The following NR3C2 variants were observed in gnomAD, a reference collection of about 807,000 sequenced individuals.
NR3C2 encodes the protein nuclear receptor subfamily 3 group C member 2.
A neutral mutation model predicts 86.4 loss-of-function variants in NR3C2; 15 were observed. That is an observed-to-expected ratio of 0.17 (90% CI 0.12 to 0.27). The LOEUF (loss-of-function observed/expected upper bound fraction) is 0.27, where lower values mean the gene tolerates loss of function less well. Ranked by LOEUF, NR3C2 falls within the 10% of genes least tolerant of loss-of-function variation. The pLI, the probability that NR3C2 is intolerant of heterozygous loss-of-function variation, is 1.00. For synonymous variants in NR3C2, 458 were observed against 450.5 expected, an observed-to-expected ratio of 1.02 and a Z score of -0.21; for missense variants, 960 against 1,195.6, an observed-to-expected ratio of 0.80 and a Z score of 2.91.
intron 2 of NR3C2, among the ~76,000 whole-genome samples, chr4:148,397,597 A>G (rs141720410): frequency 6.6e-6 from 1 of 152,336 alleles, no homozygotes; most frequent in Non-Finnish European, 1.5e-5. Context: ...TAGCATTCTC[A>G]TAATTCATTA....
At chr4:148,309,280 A>G (rs777667505) in intron 2 of NR3C2, among the ~76,000 whole-genome samples, 4 of 152,236 alleles carry the variant, frequency 2.6e-5, no homozygotes, top group Non-Finnish European at 5.9e-5. Context: ...CAACCTGTTA[A>G]AACTATATTT....
upstream of NR3C2, chr4:148,444,157 C>G: frequency 2.0e-6 from 2 of 985,432 alleles, no homozygotes; most frequent in Non-Finnish European, 2.4e-6. Context: ...GGACCTAGAG[C>G]CTGGGCACGC....
At chr4:148,376,566 A>T (rs916268443) in intron 2 of NR3C2, among the ~76,000 whole-genome samples, 2 of 152,184 alleles carry the variant, frequency 1.3e-5, no homozygotes, top group Non-Finnish European at 2.9e-5. Context: ...TTTAGCTTAA[A>T]CTTTCAGTAA....
rs1156456526 is a variant in NR3C2, at chr4:148,435,379, T to C, written c.1482A>G (p.Lys494=). 6.2e-7 allele frequency: 1 copy of C among 1,614,122 alleles called. No individual in the cohort carries two copies. The highest frequency in any genetic ancestry group is 8.5e-7 in the Non-Finnish European group (1 of 1,180,018). ...AATAGCTCCCATCATCTGGTTCTTG[T>C]TTAATACCCACTGGGAATCCGCTGC... is the stretch of plus-strand genomic sequence containing the variant. ...CEGSGFPVGI[K]QEPDDGSYYP... is the part of the protein sequence containing the mutation. The change falls in exon 2 of 9, where the codon AAA becomes AAG. Residue 494 remains lysine, a synonymous_variant. Transcript: ENST00000358102.
chr4:148,325,095 A>G (rs1222026605), intron 2 of NR3C2, among the ~76,000 whole-genome samples: 6 of 151,742 alleles, frequency 4.0e-5, no homozygotes, highest in Non-Finnish European at 8.8e-5. Flanking sequence ...CTAAGCAAGG[A>G]GCATAGTGGA....
At position 148,436,633 on chromosome 4, in the gene NR3C2, T is replaced by C; in HGVS notation, c.228A>G (p.Gln76=). Residue 76 remains glutamine (Q), a synonymous_variant, in exon 2 of 9, where the codon CAA becomes CAG. Coordinates refer to ENST00000358102, the MANE Select transcript of NR3C2 (RefSeq NM_000901.5). ...EKQELLPCLQ[Q]DNNRPGILTS... ...TTAAAATCCCAGGCCGATTATTGTC[T>C]TGCTGAAGGCAAGGGAGTAGTTCTT... The C allele has an allele frequency of 6.2e-7, 1 of 1,614,230 alleles. No individual in the cohort carries two copies. Among genetic ancestry groups the C allele is most frequent in the Non-Finnish European group, 8.5e-7 (1 of 1,180,046 alleles).
chr4:148,081,639 A>G (rs570650785), intron 8 of NR3C2, 140 bp from the exon 9 acceptor site: 8 of 1,156,066 alleles, frequency 6.9e-6, no homozygotes, highest in Non-Finnish European at 9.9e-6. Flanking sequence ...AATTGAGCAG[A>G]GTCATCTGTC....
intron 3 of NR3C2, among the ~76,000 whole-genome samples, chr4:148,214,995 G>C (rs1444110400): frequency 1.3e-5 from 2 of 152,178 alleles, no homozygotes; most frequent in East Asian, 3.9e-4. Context: ...CCTTCAACAA[G>C]GGGATGGGGG....
At chr4:148,361,090 C>T (rs988401599) in intron 2 of NR3C2, among the ~76,000 whole-genome samples, 5 of 152,118 alleles carry the variant, frequency 3.3e-5, no homozygotes, top group South Asian at 2.1e-4. Context: ...TGTATTCTAG[C>T]GCCTGATAAT....
intron 2 of NR3C2, among the ~76,000 whole-genome samples, chr4:148,268,197 C>T (rs980400211): frequency 2.6e-5 from 4 of 152,212 alleles, no homozygotes; most frequent in African/African-American, 9.6e-5. Flanking sequence ...CCTTGGCCTC[C>T]CAAAGTGCTA....
intron 3 of NR3C2, among the ~76,000 whole-genome samples, chr4:148,225,232 G>A (rs1738082747): frequency 6.6e-6 from 1 of 152,058 alleles, no homozygotes; most frequent in Non-Finnish European, 1.5e-5. Context: ...AAATCTGTAT[G>A]GTTCTGGCTG....
At chr4:148,261,424 AAGCGCTATGGTGCGCTACGGTC>A (rs1740115129) in intron 2 of NR3C2, among the ~76,000 whole-genome samples, 1 of 151,026 alleles carries the variant, frequency 6.6e-6, no homozygotes, top group East Asian at 2.0e-4. Flanking sequence ...GCGCTATGGT[AAGCGCTATGGTGCGCTACGGTC>A]AGTGCTATGG....
intron 2 of NR3C2, among the ~76,000 whole-genome samples, chr4:148,306,303 G>C (rs982909212): frequency 6.6e-6 from 1 of 152,136 alleles, no homozygotes; most frequent in Non-Finnish European, 1.5e-5. Context: ...ATATTTTACA[G>C]CTCTATTAGC....
intron 2 of NR3C2, among the ~76,000 whole-genome samples, chr4:148,316,945 G>A (rs1743218541): frequency 1.3e-5 from 2 of 151,988 alleles, no homozygotes; most frequent in Non-Finnish European, 2.9e-5. Context: ...GGGATGACAG[G>A]CGCACACCAC....
chr4:148,087,345 C>G (rs1415403981), intron 8 of NR3C2, among the ~76,000 whole-genome samples: 6 of 152,164 alleles, frequency 3.9e-5, no homozygotes, highest in African/African-American at 1.2e-4. Flanking sequence ...AGATTCAATG[C>G]TATCCCCACC....
intron 8 of NR3C2, among the ~76,000 whole-genome samples, chr4:148,084,832 A>G (rs947539909): frequency 3.3e-5 from 5 of 152,220 alleles, no homozygotes; most frequent in Non-Finnish European, 7.3e-5. Flanking sequence ...TACCAAGCAA[A>G]TGGAAAGCAA....
At chr4:148,419,153 T>C (rs952190150) in intron 2 of NR3C2, among the ~76,000 whole-genome samples, 3 of 151,150 alleles carry the variant, frequency 2.0e-5, no homozygotes, top group Admixed American at 6.6e-5. Context: ...CCACATGTTA[T>C]GAGATGTAAA....
Position 148,435,144 on chromosome 4 carries a change from C to T in NR3C2, c.1717G>A (p.Gly573Arg), listed in dbSNP as rs1314029252. 1.2e-6 allele frequency: 2 copies of T among 1,614,152 alleles called. No homozygotes were observed. The highest frequency in any genetic ancestry group is 1.7e-6 in the Non-Finnish European group (2 of 1,180,014). ...GGAATGTATTCTAAGACCGGATACC[C>T]ATCACTTCTTCTAGACGACAGGTCG... ...HGDLSSRRSD[G>R]YPVLEYIPEN... Residue 573 changes from glycine (G) to arginine (R), a missense_variant, in exon 2 of 9, where the codon GGG becomes AGG. Coordinates refer to ENST00000358102, the MANE Select transcript of NR3C2 (RefSeq NM_000901.5).
intron 2 of NR3C2, among the ~76,000 whole-genome samples, chr4:148,424,699 T>C (rs1488049076): frequency 6.7e-6 from 1 of 150,314 alleles, no homozygotes; most frequent in Admixed American, 6.6e-5. Flanking sequence ...ATAGAGTTTA[T>C]AGACAACATA....
Sources: gnomAD v4.1 joint callset for allele counts (sites outside exome capture counted in the v4.1 genomes callset) on GRCh38, gnomAD v4.1.1 for gene constraint, MANE v1.5 for transcripts, NCBI Gene and HGNC (gene_info 2026-07-23, HGNC 2026-07-21) for gene names.